Variants in ZNF223 observed in about 807,000 individuals in gnomAD.
The protein encoded by ZNF223 is Homo sapiens zinc finger protein 223.
Under a neutral mutation model 12.3 loss-of-function variants are expected in ZNF223, and 9 were observed. The observed-to-expected ratio is 0.73, with a 90% CI of 0.44 to 1.28. The LOEUF (loss-of-function observed/expected upper bound fraction) is 1.28. Among genes scored for constraint, ZNF223 ranks in the 50% most tolerant of loss-of-function variants. ZNF223 has a pLI of 0.00. For synonymous variants in ZNF223, 171 were observed against 195.2 expected, an observed-to-expected ratio of 0.88 and a Z score of 1.03; for missense variants, 506 against 579.0, an observed-to-expected ratio of 0.87 and a Z score of 1.29.
At chr19:44,062,208 G>C (rs1441390731) in intron 4 of ZNF223, among the ~76,000 whole-genome samples, 1 of 152,126 alleles carries the variant, frequency 6.6e-6, no homozygotes, top group African/African-American at 2.4e-5. Flanking sequence ...GAAGCCATAG[G>C]GGTTTGATTT....
chr19:44,054,047 C>G (rs1382696146), intron 1 of ZNF223, among the ~76,000 whole-genome samples: 1 of 152,144 alleles, frequency 6.6e-6, no homozygotes, highest in South Asian at 2.1e-4. Context: ...TCATGTCTTC[C>G]TTTTTCTACG....
intron 4 of ZNF223, chr19:44,063,585 A>C (rs1410894632): frequency 6.6e-6 from 1 of 152,364 alleles, no homozygotes; most frequent in Non-Finnish European, 1.5e-5. Flanking sequence ...TTCTCAGCAG[A>C]AAAGGAGGCT....
intron 4 of ZNF223, among the ~76,000 whole-genome samples, chr19:44,061,768 G>A (rs1976841897): frequency 6.6e-6 from 1 of 152,202 alleles, no homozygotes; most frequent in South Asian, 2.1e-4. Context: ...AGAAGCTTCT[G>A]CCTCAGGGCC....
chr19:44,056,531 C>CA (rs370032044), intron 2 of ZNF223, among the ~76,000 whole-genome samples: 46,191 of 75,882 alleles, frequency 0.61, 14,519 homozygotes, highest in Non-Finnish European at 0.72. Flanking sequence ...GACTCTGTCT[C>CA]AAAAAAAAAA....
chr19:44,055,209 C>T lies in ZNF223; in HGVS notation c.15+18C>T. On this transcript the variant is annotated intron_variant, in intron 2 of 4. Coordinates refer to ENST00000434772, the MANE Select transcript of ZNF223 (RefSeq NM_013361.6). ...TGTCCAAGGTAAGTAGGACTTGCCTCTCTTACTGTTAAAATTCCATCTCAC... is the reference window on the plus strand; with the variant it reads ...TGTCCAAGGTAAGTAGGACTTGCCTTTCTTACTGTTAAAATTCCATCTCAC... 1.9e-6 allele frequency: 3 copies of T among 1,613,156 alleles called. No individual in the cohort carries two copies. The highest frequency in any genetic ancestry group is 1.7e-4 in the Middle Eastern group (1 of 6,056).
At position 44,060,508 on chromosome 19, in the gene ZNF223, G is replaced by A; in HGVS notation, c.69G>A (p.Gly23=). 1.2e-6 allele frequency: 2 copies of A among 1,614,114 alleles called. No individual in the cohort carries two copies. Among genetic ancestry groups the A allele is most frequent in the Non-Finnish European group, 1.7e-6 (2 of 1,180,024 alleles). The change falls in exon 3 of 5, where the codon GGG becomes GGA. Residue 23 remains glycine, a synonymous_variant. Coordinates refer to ENST00000434772, the MANE Select transcript of ZNF223 (RefSeq NM_013361.6). The part of the protein sequence containing the change: ...VAVVFTEEEL[G]LLDLAQRKLY... Reference sequence around the variant, plus strand: ...TGGTCTTCACTGAGGAGGAGCTGGGGCTGCTGGACCTTGCCCAGAGGAAGC... The same window carrying A: ...TGGTCTTCACTGAGGAGGAGCTGGGACTGCTGGACCTTGCCCAGAGGAAGC...
chr19:44,055,027 T>G, intron 1 of ZNF223, 82 bp from the exon 2 acceptor site: 1 of 631,840 alleles, frequency 1.6e-6, no homozygotes, highest in South Asian at 2.3e-5. Flanking sequence ...ATGTGCTAAT[T>G]GACAATATGA....
intron 2 of ZNF223, among the ~76,000 whole-genome samples, chr19:44,058,546 G>C (rs1320991180): frequency 6.6e-6 from 1 of 152,204 alleles, no homozygotes; most frequent in African/African-American, 2.4e-5. Flanking sequence ...GGTGGCCCCA[G>C]TGTCTGAAGC....
At chr19:44,058,096 A>G (rs992062534) in intron 2 of ZNF223, among the ~76,000 whole-genome samples, 2 of 152,274 alleles carry the variant, frequency 1.3e-5, no homozygotes, top group Admixed American at 6.5e-5. Context: ...GAAAAACTTG[A>G]AGGTCATCTT....
At chr19:44,055,676 C>G (rs1195284695) in intron 2 of ZNF223, among the ~76,000 whole-genome samples, 1 of 151,838 alleles carries the variant, frequency 6.6e-6, no homozygotes, top group East Asian at 2.0e-4. Context: ...GGCTGAAGCA[C>G]GAGAATCACT....
chr19:44,056,361 C>CCA (rs1463860665), intron 2 of ZNF223, among the ~76,000 whole-genome samples: 2 of 78,852 alleles, frequency 2.5e-5, no homozygotes, highest in African/African-American at 1.0e-4. Context: ...ACTAAAAATA[C>CCA]AAAAAAAAAA....
At chr19:44,057,374 C>T (rs1976782934) in intron 2 of ZNF223, among the ~76,000 whole-genome samples, 1 of 151,968 alleles carries the variant, frequency 6.6e-6, no homozygotes, top group South Asian at 2.1e-4. Context: ...TACTACTTAC[C>T]ATATCATCTT....
In ZNF223 at chr19:44,054,194, G is replaced by T. The variant is rs780294542; in HGVS notation, c.-68-915G>T. 3.4e-4 allele frequency among the ~76,000 whole-genome samples: 50 copies of T among 145,908 alleles called. 1 individual carries two copies. The highest frequency in any genetic ancestry group is 5.8e-4 in the Non-Finnish European group (39 of 66,818). ...TTTCTTTTTTTTTTTTTTTGTTTGA[G>T]ACAGTTTTGCTCTTGTCACCCAGGC... On this transcript the variant is annotated intron_variant, in intron 1 of 4. Coordinates refer to ENST00000434772, the MANE Select transcript of ZNF223 (RefSeq NM_013361.6).
At chr19:44,055,661 C>T (rs1004088909) in intron 2 of ZNF223, among the ~76,000 whole-genome samples, 1 of 151,930 alleles carries the variant, frequency 6.6e-6, no homozygotes, top group Non-Finnish European at 1.5e-5. Flanking sequence ...CCCAGCTACT[C>T]GGTAGGCTGA....
In ZNF223 at chr19:44,064,905, C is replaced by G. The variant is rs891929028; in HGVS notation, c.236-1159C>G. Among the ~76,000 whole-genome samples, 9 of 152,286 alleles carry G rather than the reference C, an allele frequency of 5.9e-5. No homozygotes were observed. The South Asian group carries it at 1.5e-3, about 25-fold the overall frequency. On this transcript the variant is annotated intron_variant, in intron 4 of 4. Transcript: ENST00000434772. Reference sequence around the variant, plus strand: ...GGAACCACCAATCAGGGAAACTCAACTGAGTGCTGGGATCCAAGTAATTAT... The same window carrying G: ...GGAACCACCAATCAGGGAAACTCAAGTGAGTGCTGGGATCCAAGTAATTAT...
intron 3 of ZNF223, 47 bp downstream of exon 3, chr19:44,060,628 G>T (rs1359788854): frequency 6.2e-7 from 1 of 1,613,436 alleles, no homozygotes; most frequent in South Asian, 1.1e-5. Flanking sequence ...CCCAGGAGTG[G>T]TTTTGTATCC....
chr19:44,061,016 C>T (rs138303234), intron 4 of ZNF223, 175 bp downstream of exon 4: 4 of 604,094 alleles, frequency 6.6e-6, no homozygotes, highest in East Asian at 2.9e-5. Context: ...CTGTTCTCCT[C>T]ATGGCAGCTA....
At chr19:44,060,355 C>G in intron 2 of ZNF223, 100 bp from the exon 3 acceptor site, 1 of 1,540,852 alleles carries the variant, frequency 6.5e-7, no homozygotes, top group Non-Finnish European at 8.8e-7. Context: ...TCTGAAGATC[C>G]TGAAAAACTT....
At position 44,066,231 on chromosome 19, in the gene ZNF223, G is replaced by A. The variant is rs1823598274; in HGVS notation, c.403G>A (p.Glu135Lys). Reference protein sequence around the residue: ...FEQGDAHSQVEEGLSIMHTGQ... With the variant: ...FEQGDAHSQVKEGLSIMHTGQ... ...ACAGGGTGATGCCCACTCCCAGGTT[G>A]AGGAAGGACTATCTATAATGCACAC... Residue 135 changes from glutamate to lysine, a missense_variant, in exon 5 of 5, where the codon GAG becomes AAG. Physicochemically the swap from Glu to Lys is moderately conservative, Grantham distance 56. Coordinates refer to ENST00000434772, the MANE Select transcript of ZNF223 (RefSeq NM_013361.6). The A allele has an allele frequency of 3.1e-6, 5 of 1,614,106 alleles. No individual in the cohort carries two copies. The highest frequency in any genetic ancestry group is 1.3e-5 in the African/African-American group (1 of 74,932).
Sources: allele counts gnomAD v4.1 joint callset (sites outside exome capture counted in the v4.1 genomes callset), GRCh38; gene constraint gnomAD v4.1.1; transcripts MANE v1.5; gene names NCBI Gene and HGNC (gene_info 2026-07-23, HGNC 2026-07-21).